Variants in CHODL observed in about 807,000 individuals in gnomAD.
The protein encoded by CHODL is transmembrane protein MT75.
CHODL carries 29 observed loss-of-function variants against 34.5 expected under a neutral mutation model. That is an observed-to-expected ratio of 0.84 (90% CI 0.63 to 1.15). CHODL has a LOEUF of 1.15. Ranked by LOEUF, CHODL falls within the 50% of genes most tolerant of loss-of-function variation. The pLI, the probability that CHODL is intolerant of heterozygous loss-of-function variation, is 0.00. For missense variants in CHODL, 332 were observed against 332.5 expected (o/e 1.00, Z 0.01); for synonymous variants, 125 against 116.1 (o/e 1.08, Z -0.49).
At chr21:18,177,733 A>C (rs1407883965) in intron 2 of CHODL, among the ~76,000 whole-genome samples, 1 of 152,136 alleles carries the variant, frequency 6.6e-6, no homozygotes. Flanking sequence ...GATTTACTTA[A>C]TGTTATATTA....
rs999625124 is a variant in CHODL at position 18,235,207 on chromosome 21, C to G, written c.-44-21302C>G. Among the ~76,000 whole-genome samples, 3 of 151,558 alleles carry G rather than the reference C, an allele frequency of 2.0e-5. 1 individual carries two copies. Among genetic ancestry groups the G allele is most frequent in the Admixed American group, 6.6e-5 (1 of 15,212 alleles). ...GCCACAAATGAGGGACAAAGAAGCC[C>G]AAAATTTGTTCTGTAGTCTAGAGTG... On this transcript the variant is annotated intron_variant, in intron 2 of 6. Transcript: ENST00000400127.
chr21:18,203,428 ACT>A (rs1226895029), intron 2 of CHODL, among the ~76,000 whole-genome samples: 1 of 152,136 alleles, frequency 6.6e-6, no homozygotes. Context: ...AACTTCAAAC[ACT>A]GTTTCTTCTA....
chr21:18,212,284 T>A lies in CHODL; in HGVS notation c.-44-44225T>A, dbSNP rs927159121. Among the ~76,000 whole-genome samples, 3 of 152,292 alleles carry A rather than the reference T, an allele frequency of 2.0e-5. No individual in the cohort carries two copies. In the South Asian group the frequency reaches 6.2e-4, roughly 32 times the overall value. On this transcript the variant is annotated intron_variant, in intron 2 of 6. Coordinates refer to the CHODL transcript ENST00000400127. ...ATTTTGATGTCTGAAGCCACCATAATTGCTCTCAGAAATCAATAGATCAAT... is the reference window on the plus strand; with the variant it reads ...ATTTTGATGTCTGAAGCCACCATAAATGCTCTCAGAAATCAATAGATCAAT...
chr21:18,007,691 G>A (rs528821525), intron 1 of CHODL, among the ~76,000 whole-genome samples: 2 of 152,186 alleles, frequency 1.3e-5, no homozygotes, highest in East Asian at 3.9e-4. Flanking sequence ...CTAAAATACA[G>A]CAAATAAATG....
chr21:18,033,140 G>T (rs2064267525), intron 2 of CHODL, among the ~76,000 whole-genome samples: 1 of 151,992 alleles, frequency 6.6e-6, no homozygotes, highest in Non-Finnish European at 1.5e-5. Context: ...CTGATAGGAT[G>T]ATATACCAAT....
intron 1 of CHODL, among the ~76,000 whole-genome samples, chr21:18,256,140 GAATT>G (rs1448169050): frequency 1.3e-5 from 2 of 151,962 alleles, no homozygotes; most frequent in African/African-American, 4.8e-5. Flanking sequence ...TTTGCTTTAT[GAATT>G]GTTATTCTTC....
At chr21:18,136,643 G>T (rs1688188) in intron 2 of CHODL, among the ~76,000 whole-genome samples, 7,313 of 149,552 alleles carry the variant, frequency 0.049, 532 homozygotes, top group African/African-American at 0.16. Flanking sequence ...ACATATACAC[G>T]TTGGGGCCAA....
intron 1 of CHODL, among the ~76,000 whole-genome samples, chr21:17,973,382 A>G (rs913041074): frequency 2.0e-5 from 3 of 151,656 alleles, no homozygotes; most frequent in Admixed American, 1.3e-4. Flanking sequence ...CAATTTTTGC[A>G]ATCTACTATG....
rs149864512 is a variant in CHODL at position 18,237,888 on chromosome 21, A to G, written c.-44-18621A>G. 4.4e-3 allele frequency among the ~76,000 whole-genome samples: 673 copies of G among 152,232 alleles called. 5 individuals carry two copies. The highest frequency in any genetic ancestry group is 0.014 in the African/African-American group (577 of 41,550). On this transcript the variant is annotated intron_variant, in intron 2 of 6. Transcript: ENST00000400127. Reference sequence around the variant, plus strand: ...AGAATAAACTAGCTCAGAGCTTACAACCTAGTAGAGATGGACAAACATTAA... The same window carrying G: ...AGAATAAACTAGCTCAGAGCTTACAGCCTAGTAGAGATGGACAAACATTAA...
intron 2 of CHODL, among the ~76,000 whole-genome samples, chr21:18,192,855 G>A (rs1475107032): frequency 1.3e-5 from 2 of 151,862 alleles, no homozygotes; most frequent in African/African-American, 2.4e-5. Flanking sequence ...GTCCTCATGA[G>A]CCTTTAAAAT....
rs980241191 is a variant in CHODL, at chr21:17,923,848, A to G, written c.-145+6448A>G. On this transcript the variant is annotated intron_variant, in intron 1 of 6. Coordinates refer to the CHODL transcript ENST00000400127. ...TATAATTTAGAAAAGGTGCCAAACTACTCATGTGGAACTAGAAAGATGGCA... is the reference window on the plus strand; with the variant it reads ...TATAATTTAGAAAAGGTGCCAAACTGCTCATGTGGAACTAGAAAGATGGCA... Among the ~76,000 whole-genome samples the G allele has an allele frequency of 7.2e-5, 11 of 152,330 alleles. No individual in the cohort carries two copies. In the East Asian group the frequency reaches 1.9e-3, roughly 27 times the overall value.
At chr21:17,961,163 G>C (rs763102996) in intron 1 of CHODL, among the ~76,000 whole-genome samples, 2 of 152,014 alleles carry the variant, frequency 1.3e-5, no homozygotes, top group Non-Finnish European at 2.9e-5. Context: ...ACCTTCTTTG[G>C]GGAACATTGT....
At chr21:18,216,065 C>A (rs986697948) in intron 2 of CHODL, among the ~76,000 whole-genome samples, 8 of 151,856 alleles carry the variant, frequency 5.3e-5, no homozygotes, top group Non-Finnish European at 8.8e-5. Context: ...ATTATTTCTT[C>A]TCTTATATGT....
intron 2 of CHODL, among the ~76,000 whole-genome samples, chr21:18,141,700 G>A (rs2146610859): frequency 6.7e-6 from 1 of 149,668 alleles, no homozygotes; most frequent in South Asian, 2.1e-4. Flanking sequence ...AACCCTGGAG[G>A]AGATCCCCTT....
chr21:17,968,320 G>A (rs1043791751), intron 1 of CHODL, among the ~76,000 whole-genome samples: 5 of 152,086 alleles, frequency 3.3e-5, no homozygotes, highest in African/African-American at 4.8e-5. Context: ...GTCTTTTTCC[G>A]ATTATTTACT....
rs760442159 is a variant in CHODL, at chr21:18,260,183, G to C, written c.548-17G>C. On this transcript the variant is annotated splice_polypyrimidine_tract_variant and intron_variant, in intron 3 of 5. Coordinates refer to ENST00000299295, the MANE Select transcript of CHODL (RefSeq NM_024944.3). ...TGTTTAATCATTATATATGATGGTG[G>C]TTCTTATTATTTACAGAGATTAATC... 1.5e-6 allele frequency: 2 copies of C among 1,320,704 alleles called. No homozygotes were observed. Among genetic ancestry groups the C allele is most frequent in the African/African-American group, 3.0e-5 (2 of 65,816 alleles). 81.8% of individuals were successfully genotyped at this position (1,320,704 alleles called of 1,614,324 possible).
intron 2 of CHODL, among the ~76,000 whole-genome samples, chr21:18,191,940 G>T (rs922993146): frequency 3.9e-5 from 6 of 152,076 alleles, no homozygotes; most frequent in African/African-American, 1.4e-4. Context: ...ATTTTGTTGA[G>T]TGTTTAAAAA....
rs144637517 is a variant in CHODL at position 18,163,786 on chromosome 21, G to T, written c.-44-92723G>T. ...TTTAGAGGGGAATCTCTCATGTACA[G>T]GTTTTCTGTGTTAAAAAAAAGGCTT... On this transcript the variant is annotated intron_variant, in intron 2 of 6. Coordinates refer to the CHODL transcript ENST00000400127. 2.5e-3 allele frequency among the ~76,000 whole-genome samples: 289 copies of T among 117,188 alleles called. 3 individuals carry two copies. Among genetic ancestry groups the T allele is most frequent in the African/African-American group, 7.2e-3 (273 of 38,042 alleles). 76.9% of individuals were successfully genotyped at this position (117,188 alleles called of 152,430 possible).
intron 1 of CHODL, chr21:17,917,518 C>T (rs532380930): frequency 1.3e-5 from 2 of 152,158 alleles, no homozygotes; most frequent in East Asian, 1.9e-4. Context: ...CAGAGAGTAA[C>T]AAGAAGGTGG....
Sources: allele counts gnomAD v4.1 joint callset (sites outside exome capture counted in the v4.1 genomes callset), GRCh38; gene constraint gnomAD v4.1.1; transcripts MANE v1.5; gene names NCBI Gene and HGNC (gene_info 2026-07-23, HGNC 2026-07-21).